PHF8: variants seen among roughly 807,000 people sequenced by gnomAD.
PHF8 encodes the protein histone lysine demethylase PHF8.
A neutral mutation model predicts 74.4 loss-of-function variants in PHF8; 9 were observed. The observed-to-expected ratio is 0.12, with a 90% CI of 0.07 to 0.21. The LOEUF is 0.21. PHF8 is among the 10% of genes least tolerant of loss of function. PHF8 has a pLI of 1.00. For missense variants in PHF8, 478 were observed against 816.6 expected (o/e 0.59, Z 5.05); for synonymous variants, 311 against 316.6 (o/e 0.98, Z 0.19).
chrX:54,022,146 T>C (rs2066188739), intron 4 of PHF8, 113 bp downstream of exon 4: 1 of 541,403 alleles, frequency 1.8e-6, no homozygotes, highest in East Asian at 3.3e-5. Context: ...CTGAAGATAC[T>C]CACAAACTGG....
chrX:54,042,497 G>C, intron 2 of PHF8, 134 bp downstream of exon 2: 2 of 546,929 alleles, frequency 3.7e-6, no homozygotes, highest in Non-Finnish European at 6.3e-6. Flanking sequence ...TGTTCTGCAA[G>C]GAGAGATGGC....
chrX:54,023,338 T>G (rs1282905843), intron 2 of PHF8, among the ~76,000 whole-genome samples: 1 of 111,616 alleles, frequency 9.0e-6, no homozygotes, highest in African/African-American at 3.3e-5. Flanking sequence ...AAAAAAAAAT[T>G]TATAGTCAAC....
chrX:54,044,727 A>C, upstream of PHF8: 1 of 481,102 alleles, frequency 2.1e-6, no homozygotes, highest in East Asian at 4.1e-5. Flanking sequence ...CTCCGGGCAA[A>C]CAGGGAGTTC....
At chrX:54,008,997 G>A (rs782154602) in intron 8 of PHF8, among the ~76,000 whole-genome samples, 2 of 111,618 alleles carry the variant, frequency 1.8e-5, no homozygotes, top group East Asian at 5.7e-4. Flanking sequence ...GCCAACATGG[G>A]TGAAACCCCA....
At chrX:54,031,016 CCTAAT>C (rs1309828226) in intron 2 of PHF8, among the ~76,000 whole-genome samples, 3 of 111,926 alleles carry the variant, frequency 2.7e-5, no homozygotes, top group Middle Eastern at 4.2e-3. Flanking sequence ...TTAATATTAT[CCTAAT>C]CTAACAGATG....
Position 54,017,907 on chromosome X carries a change from G to A in PHF8, c.294-86C>T, listed in dbSNP as rs2066099433. The A allele has an allele frequency of 4.4e-6, 4 of 911,279 alleles. No individual in the cohort carries two copies. The Admixed American group carries it at 9.5e-5, about 22-fold the overall frequency. The allele number at this position is 911,279 out of a possible 1,213,427, so 75.1% of individuals were successfully genotyped here. ...AGGCTGCCACTCACCCAAGAGGTGGGGTTTTTATGAGGGGACTTAATGTGA... is the reference window on the plus strand; with the variant it reads ...AGGCTGCCACTCACCCAAGAGGTGGAGTTTTTATGAGGGGACTTAATGTGA... On this transcript the variant is annotated intron_variant, in intron 4 of 21. Transcript: ENST00000338154.
At chrX:53,985,794 G>C (rs782722981) in intron 17 of PHF8, 22 bp downstream of exon 17, 1 of 1,211,688 alleles carries the variant, frequency 8.3e-7, no homozygotes, top group Non-Finnish European at 1.1e-6. Flanking sequence ...CCTGGAAAGG[G>C]GAGATAAAAG....
At chrX:54,014,866 G>C (rs1451388512) in intron 6 of PHF8, among the ~76,000 whole-genome samples, 2 of 111,592 alleles carry the variant, frequency 1.8e-5, no homozygotes, top group Non-Finnish European at 3.8e-5. Context: ...CTTGGCATGT[G>C]GATTATAGAA....
intron 18 of PHF8, among the ~76,000 whole-genome samples, chrX:53,965,123 T>A (rs1272951715): frequency 9.0e-6 from 1 of 111,512 alleles, no homozygotes. Context: ...TTTAATGGTA[T>A]GTGTTTTTTA....
In PHF8 at chrX:53,993,631, T is replaced by A. The variant is rs782479340; in HGVS notation, c.1596A>T (p.Ala532=). 1.0e-4 allele frequency: 124 copies of A among 1,209,643 alleles called. No individual in the cohort carries two copies. Among genetic ancestry groups the A allele is most frequent in the Non-Finnish European group, 1.3e-4 (118 of 894,376 alleles). ...CTTTCTGGAAAGAGCCTGTCTTCAG[T>A]GCCTGATGACTGTATGTGTCCATGA... The part of the protein sequence containing the change: ...YNLMDTYSHQ[A]LKTGSFQKAK... The change falls in exon 13 of 22, where the codon GCA becomes GCT. Residue 532 remains alanine (A), a synonymous_variant. Coordinates refer to ENST00000338154, the MANE Select transcript of PHF8 (RefSeq NM_015107.3).
At position 54,014,122 on chromosome X, in the gene PHF8, A is replaced by T. The variant is rs782362178; in HGVS notation, c.783+255T>A. Reference sequence around the variant, plus strand: ...AGGCGCCTGCCACCAAGCCCGGCTAATTTTTTTTATTTTTAGTAGAGATGG... The same window carrying T: ...AGGCGCCTGCCACCAAGCCCGGCTATTTTTTTTTATTTTTAGTAGAGATGG... On this transcript the variant is annotated intron_variant, in intron 7 of 21. Transcript: ENST00000338154. Among the ~76,000 whole-genome samples, 6 of 109,284 alleles carry T rather than the reference A, an allele frequency of 5.5e-5. No homozygotes were observed. The East Asian group carries it at 1.8e-3, about 32-fold the overall frequency. The allele number at this position is 109,284 out of a possible 115,157, so 94.9% of individuals were successfully genotyped here.
At chrX:54,026,127 G>A (rs2066262632) in intron 2 of PHF8, among the ~76,000 whole-genome samples, 1 of 111,348 alleles carries the variant, frequency 9.0e-6, no homozygotes, top group African/African-American at 3.3e-5. Flanking sequence ...GCTGAGGCGG[G>A]TGGATCACCT....
At chrX:53,966,883 C>T (rs1180513711) in intron 18 of PHF8, among the ~76,000 whole-genome samples, 29 of 109,539 alleles carry the variant, frequency 2.6e-4, no homozygotes, top group African/African-American at 8.7e-4. Context: ...TTTGCCCCGC[C>T]GCCCCGTCTG....
intron 19 of PHF8, among the ~76,000 whole-genome samples, chrX:53,945,485 C>T (rs1557084915): frequency 9.1e-6 from 1 of 109,954 alleles, no homozygotes; most frequent in Non-Finnish European, 1.9e-5. Flanking sequence ...ACACCAGCCT[C>T]GGCGACACAG....
intron 18 of PHF8, among the ~76,000 whole-genome samples, chrX:53,966,312 G>A (rs1380218785): frequency 9.0e-6 from 1 of 111,527 alleles, no homozygotes; most frequent in African/African-American, 3.3e-5. Flanking sequence ...CTGCCATCTC[G>A]GCTCACTGCA....
intron 4 of PHF8, among the ~76,000 whole-genome samples, chrX:54,018,973 A>T (rs1557109005): frequency 8.9e-6 from 1 of 111,998 alleles, no homozygotes; most frequent in Non-Finnish European, 1.9e-5. Context: ...AAATTCCAAA[A>T]AATAAAGCTT....
intron 20 of PHF8, chrX:53,943,184 T>C: frequency 3.6e-6 from 3 of 842,221 alleles, no homozygotes; most frequent in Non-Finnish European, 4.6e-6. Flanking sequence ...CAGCTTACAC[T>C]GTATTGGGAT....
In PHF8 at chrX:54,002,694, C is replaced by G. The variant is rs1557104466; in HGVS notation, c.947-12G>C. Reference sequence around the variant, plus strand: ...AGCATGGATCCACCCTGCAGTGTAACAAGGCAAAATCAAAGCTGGAAGAGG... The same window carrying G: ...AGCATGGATCCACCCTGCAGTGTAAGAAGGCAAAATCAAAGCTGGAAGAGG... On this transcript the variant is annotated splice_polypyrimidine_tract_variant and intron_variant, in intron 8 of 21. Transcript: ENST00000338154. 2 of 1,148,801 alleles carry G rather than the reference C, an allele frequency of 1.7e-6. No individual in the cohort carries two copies. The highest frequency in any genetic ancestry group is 2.2e-5 in the Admixed American group (1 of 45,883). 94.7% of individuals were successfully genotyped at this position (1,148,801 alleles called of 1,213,427 possible). A position where few individuals can be genotyped will look rare whatever the true frequency, so the allele number is the denominator to read the frequency against.
chrX:53,943,364 T>C, intron 20 of PHF8: 1 of 874,829 alleles, frequency 1.1e-6, no homozygotes, highest in East Asian at 3.4e-5. Flanking sequence ...ACTGGCTGTA[T>C]TATCCTGAGT....
Sources: allele counts gnomAD v4.1 joint callset (sites outside exome capture counted in the v4.1 genomes callset), GRCh38; gene constraint gnomAD v4.1.1; transcripts MANE v1.5; gene names NCBI Gene and HGNC (gene_info 2026-07-23, HGNC 2026-07-21).